The following AKT3 variants were observed in gnomAD, a reference collection of about 807,000 sequenced individuals.
AKT3 encodes the protein AKT serine/threonine kinase 3.
AKT3 carries 15 observed loss-of-function variants against 65.3 expected under a neutral mutation model. That is an observed-to-expected ratio of 0.23 (90% CI 0.15 to 0.35). AKT3 has a LOEUF of 0.35. Among genes scored for constraint, AKT3 ranks in the 10% least tolerant of loss-of-function variants. The pLI is 1.00. For synonymous variants in AKT3, 206 were observed against 183.8 expected, an observed-to-expected ratio of 1.12 and a Z score of -0.98; for missense variants, 243 against 576.5, an observed-to-expected ratio of 0.42 and a Z score of 5.92.
chr1:243,828,783 G>A (rs576323168), intron 2 of AKT3, among the ~76,000 whole-genome samples: 6 of 152,226 alleles, frequency 3.9e-5, no homozygotes, highest in South Asian at 2.1e-4. Context: ...AGTGATTTGC[G>A]CATTTTTGAC....
chr1:243,555,256 A>G (rs1673334689), intron 10 of AKT3, among the ~76,000 whole-genome samples: 1 of 152,144 alleles, frequency 6.6e-6, no homozygotes, highest in Non-Finnish European at 1.5e-5. Context: ...CTCTTTACCT[A>G]AGAGACTTCA....
intron 3 of AKT3, among the ~76,000 whole-genome samples, chr1:243,686,452 G>C (rs1684304584): frequency 6.6e-6 from 1 of 151,342 alleles, no homozygotes; most frequent in Non-Finnish European, 1.5e-5. Flanking sequence ...TTGTAAGCAA[G>C]TTCTCTAAAA....
intron 2 of AKT3, among the ~76,000 whole-genome samples, chr1:243,719,629 G>A (rs1686749194): frequency 6.6e-6 from 1 of 152,176 alleles, no homozygotes; most frequent in Admixed American, 6.5e-5. Context: ...GCTCATGTAA[G>A]GTCAAAACAA....
chr1:243,625,358 C>CCTGGCCTCAAGTGAT lies in AKT3; in HGVS notation c.562-10212_562-10198dup, dbSNP rs201246698. On this transcript the variant is annotated intron_variant, in intron 6 of 13. Coordinates refer to ENST00000673466, the MANE Select transcript of AKT3 (RefSeq NM_005465.7). ...ATGTTGGTCAGGCTGGTCTCAAACT[C>CCTGGCCTCAAGTGAT]CTGGCCTCAAGTGATCTGCCCGACT... 5.0e-3 allele frequency among the ~76,000 whole-genome samples: 767 copies of CCTGGCCTCAAGTGAT among 152,068 alleles called. 9 individuals carry two copies. Among genetic ancestry groups the CCTGGCCTCAAGTGAT allele is most frequent in the African/African-American group, 0.018 (727 of 41,456 alleles).
downstream of AKT3, chr1:243,499,714 G>A (rs1553386986): frequency 1.4e-6 from 2 of 1,476,182 alleles, no homozygotes; most frequent in South Asian, 2.3e-5. Flanking sequence ...TAACATTGAA[G>A]AACATGAGCT....
At chr1:243,814,433 T>A (rs889117850) in intron 2 of AKT3, 2 of 152,172 alleles carry the variant, frequency 1.3e-5, no homozygotes, top group African/African-American at 4.8e-5. Flanking sequence ...AAAAAATTCT[T>A]CCTCATTCTA....
chr1:243,700,791 T>G (rs902853620), intron 2 of AKT3, among the ~76,000 whole-genome samples: 1 of 152,188 alleles, frequency 6.6e-6, no homozygotes, highest in Non-Finnish European at 1.5e-5. Context: ...CGTGAGCCAC[T>G]GCGCCCGGCC....
intron 2 of AKT3, among the ~76,000 whole-genome samples, chr1:243,829,460 A>G (rs1688440758): frequency 6.6e-6 from 1 of 152,206 alleles, no homozygotes; most frequent in Admixed American, 6.5e-5. Flanking sequence ...ATTAAAAGGT[A>G]TATTCAAACT....
chr1:243,498,255 C>G (rs753480164), downstream of AKT3, among the ~76,000 whole-genome samples: 1 of 152,200 alleles, frequency 6.6e-6, no homozygotes, highest in African/African-American at 2.4e-5. Flanking sequence ...TGGCAGTCTC[C>G]GTGCTGTCAG....
intron 2 of AKT3, among the ~76,000 whole-genome samples, chr1:243,733,261 TTAA>T (rs1022179113): frequency 4.9e-4 from 74 of 152,340 alleles, no homozygotes; most frequent in Admixed American, 1.5e-3. Flanking sequence ...TAAAATTACA[TTAA>T]TGAGACAAAA....
chr1:243,748,190 T>C (rs1688595269), intron 2 of AKT3, among the ~76,000 whole-genome samples: 1 of 152,196 alleles, frequency 6.6e-6, no homozygotes, highest in African/African-American at 2.4e-5. Context: ...AATATTTATA[T>C]TGCATAGCTA....
At chr1:243,672,443 C>A (rs1683217752) in intron 3 of AKT3, among the ~76,000 whole-genome samples, 1 of 152,156 alleles carries the variant, frequency 6.6e-6, no homozygotes, top group Non-Finnish European at 1.5e-5. Flanking sequence ...GTTTTATCAC[C>A]CAAACTCAAC....
chr1:243,492,077 G>A (rs540789402), intron 13 of AKT3, among the ~76,000 whole-genome samples: 45 of 152,128 alleles, frequency 3.0e-4, no homozygotes, highest in African/African-American at 9.9e-4. Context: ...CCTCCAACAG[G>A]AAGTGTCTAG....
At chr1:243,495,521 C>T (rs1574436791), downstream of AKT3, among the ~76,000 whole-genome samples, 1 of 152,200 alleles carries the variant, frequency 6.6e-6, no homozygotes, top group Non-Finnish European at 1.5e-5. Context: ...TGGCCTTAAC[C>T]GTGAGCCCCC....
intron 12 of AKT3, among the ~76,000 whole-genome samples, chr1:243,519,550 G>A (rs1029848826): frequency 9.2e-5 from 14 of 152,134 alleles, no homozygotes; most frequent in African/African-American, 3.4e-4. Context: ...TTTCTGGAGG[G>A]CAGGAGAATG....
intron 8 of AKT3, among the ~76,000 whole-genome samples, chr1:243,608,974 G>A (rs1349161254): frequency 6.6e-6 from 1 of 151,486 alleles, no homozygotes; most frequent in African/African-American, 2.4e-5. Flanking sequence ...GGCTGGTCTC[G>A]AACTCCTGAC....
intron 2 of AKT3, among the ~76,000 whole-genome samples, chr1:243,699,465 CTATATA>C (rs58911364): frequency 0.025 from 2,599 of 102,474 alleles, 43 homozygotes; most frequent in Admixed American, 0.036. Flanking sequence ...ACCTCTTCCA[CTATATA>C]TATATATATA....
intron 3 of AKT3, among the ~76,000 whole-genome samples, chr1:243,666,453 C>G (rs1332611487): frequency 6.6e-6 from 1 of 152,184 alleles, no homozygotes; most frequent in Non-Finnish European, 1.5e-5. Context: ...TGCAGTTCTA[C>G]TTTAAGACAC....
At chr1:243,527,855 G>T (rs1671214958) in intron 12 of AKT3, among the ~76,000 whole-genome samples, 1 of 136,904 alleles carries the variant, frequency 7.3e-6, no homozygotes, top group African/African-American at 3.1e-5. Context: ...ATTACAGCAA[G>T]ACTCCATCTC....
Sources: allele counts gnomAD v4.1 joint callset (sites outside exome capture counted in the v4.1 genomes callset), GRCh38; gene constraint gnomAD v4.1.1; transcripts MANE v1.5; gene names NCBI Gene and HGNC (gene_info 2026-07-23, HGNC 2026-07-21).